Variants in FAT3 observed in about 807,000 individuals in gnomAD.
FAT3 encodes FAT atypical cadherin 3.
In FAT3, 95 loss-of-function variants were observed where a neutral mutation model predicts 310.2. The observed-to-expected ratio is 0.31, with a 90% confidence interval of 0.26 to 0.36. FAT3 has a LOEUF of 0.36. Ranked by LOEUF, FAT3 falls within the 10% of genes least tolerant of loss-of-function variation. The pLI is 1.00. For missense variants in FAT3, 5,408 were observed against 5,715.6 expected, an observed-to-expected ratio of 0.95 and a Z score of 1.74; for synonymous variants, 2,314 against 2,192.9, an observed-to-expected ratio of 1.06 and a Z score of -1.54.
chr11:92,353,263 G>A lies in FAT3; in HGVS notation c.1151G>A (p.Ser384Asn), dbSNP rs147463285. The change falls in exon 2 of 28, where the codon AGC becomes AAC. Residue 384 changes from serine to asparagine, a missense_variant. Transcript: ENST00000525166. Reference sequence around the variant, plus strand: ...TTTGAAAAAGAAGTGTACGATGTGAGCATAAGTGAATTTTCCCCTCCTGGT... The same window carrying A: ...TTTGAAAAAGAAGTGTACGATGTGAACATAAGTGAATTTTCCCCTCCTGGT... ...IRFEKEVYDV[S>N]ISEFSPPGVV... 2.4e-4 allele frequency: 393 copies of A among 1,613,696 alleles called. 1 individual carries two copies. The African/African-American group carries it at 4.6e-3, about 19-fold the overall frequency.
At chr11:92,760,708 T>G (rs1946127115) in intron 4 of FAT3, among the ~76,000 whole-genome samples, 1 of 152,202 alleles carries the variant, frequency 6.6e-6, no homozygotes, top group Non-Finnish European at 1.5e-5. Flanking sequence ...GTGAATGAGA[T>G]AATGCATGAA....
intron 24 of FAT3, among the ~76,000 whole-genome samples, chr11:92,884,549 T>C (rs1949756675): frequency 6.6e-6 from 1 of 152,154 alleles, no homozygotes; most frequent in East Asian, 1.9e-4. Context: ...CTGTGGCATA[T>C]GCTGAGGGAG....
chr11:92,729,086 T>G (rs575823208), intron 4 of FAT3, among the ~76,000 whole-genome samples: 6 of 152,206 alleles, frequency 3.9e-5, no homozygotes, highest in Non-Finnish European at 7.3e-5. Flanking sequence ...CCCAAGTCTT[T>G]GCTTATCCTG....
chr11:92,524,503 TA>T lies in FAT3; in HGVS notation c.3293-129del, dbSNP rs1235383780. ...TTATGTAAAGAGTGACATCTTAATT[TA>T]ACCTTATGTTATGGATTTGGGTGTT... On this transcript the variant is annotated intron_variant, in intron 2 of 27. Transcript: ENST00000525166. 2.4e-5 allele frequency: 18 copies of T among 748,484 alleles called. No individual in the cohort carries two copies. The African/African-American group carries it at 2.6e-4, about 11-fold the overall frequency. 46.4% of individuals were successfully genotyped at this position (748,484 alleles called of 1,614,324 possible).
In FAT3 at chr11:92,798,549, C is replaced by T. The variant is rs758670761; in HGVS notation, c.5536C>T (p.His1846Tyr). 2.0e-5 allele frequency: 33 copies of T among 1,613,560 alleles called. No individual in the cohort carries two copies. The highest frequency in any genetic ancestry group is 2.6e-5 in the Non-Finnish European group (31 of 1,179,712). The change falls in exon 10 of 28, where the codon CAT becomes TAT. Residue 1846 changes from histidine to tyrosine, a missense_variant. By Grantham distance (83) the His-to-Tyr change is moderately conservative (BLOSUM62 2). This residue lies in a region of FAT3 where 4,588 missense variants were observed against 4,809.8 expected (regional missense o/e 0.95). Transcript: ENST00000525166. ...CAACCTGGACCATGAAACCATTGCC[C>T]ATTTCCATTTTCATGTGCATGTGAG... The part of the protein sequence containing the change: ...IANLDHETIA[H>Y]FHFHVHVRDS...
chr11:92,789,835 G>C, intron 7 of FAT3, 108 bp from the exon 8 acceptor site: 2 of 1,130,686 alleles, frequency 1.8e-6, no homozygotes, highest in Middle Eastern at 2.8e-4. Context: ...GCTACTAGAA[G>C]CTAGGATCCA....
chr11:92,678,751 T>G (rs1473302546), intron 3 of FAT3, among the ~76,000 whole-genome samples: 1 of 152,202 alleles, frequency 6.6e-6, no homozygotes, highest in African/African-American at 2.4e-5. Context: ...GCTTAGTAAT[T>G]TACATCTGGG....
intron 2 of FAT3, among the ~76,000 whole-genome samples, chr11:92,447,908 C>G (rs146557040): frequency 6.6e-6 from 1 of 151,946 alleles, no homozygotes; most frequent in African/African-American, 2.4e-5. Flanking sequence ...CTTGCAAACA[C>G]AGTGACAAGA....
rs201987970 is a variant in FAT3 at position 92,604,123 on chromosome 11, G to A, written c.3607+79175G>A. On this transcript the variant is annotated intron_variant, in intron 3 of 27. Coordinates refer to ENST00000525166, the MANE Select transcript of FAT3 (RefSeq NM_001367949.2). ...AAGGGTTCTGTTTTCTTTTGTGAGT[G>A]CCCATCAGCTATGCTAATTAGTTTT... Among the ~76,000 whole-genome samples, 8 of 152,286 alleles carry A rather than the reference G, an allele frequency of 5.3e-5. No homozygotes were observed. In the East Asian group the frequency reaches 1.2e-3, roughly 22 times the overall value.
At chr11:92,435,923 T>C (rs1193365059) in intron 2 of FAT3, among the ~76,000 whole-genome samples, 1 of 152,024 alleles carries the variant, frequency 6.6e-6, no homozygotes, top group Non-Finnish European at 1.5e-5. Context: ...GCTGGAGATA[T>C]TAAGTTAAAC....
At chr11:92,259,745 A>C (rs1397661587) in intron 1 of FAT3, among the ~76,000 whole-genome samples, 1 of 152,206 alleles carries the variant, frequency 6.6e-6, no homozygotes, top group Non-Finnish European at 1.5e-5. Flanking sequence ...ATTGAATTGA[A>C]ATAAATTGGA....
At chr11:92,332,899 G>A (rs1947955825) in intron 1 of FAT3, among the ~76,000 whole-genome samples, 1 of 152,088 alleles carries the variant, frequency 6.6e-6, no homozygotes, top group Non-Finnish European at 1.5e-5. Context: ...TATTTGCTAT[G>A]TTATGTTAGT....
At chr11:92,640,152 C>T (rs1287995782) in intron 3 of FAT3, among the ~76,000 whole-genome samples, 1 of 151,938 alleles carries the variant, frequency 6.6e-6, no homozygotes, top group African/African-American at 2.4e-5. Flanking sequence ...CATCAGGGTC[C>T]TCTAACTGAT....
At chr11:92,876,481 G>GTAGACATAGCTGGCATCAACAA (rs1337117734) in intron 22 of FAT3, among the ~76,000 whole-genome samples, 1 of 152,210 alleles carries the variant, frequency 6.6e-6, no homozygotes, top group Non-Finnish European at 1.5e-5. Context: ...CTGGCCTTCT[G>GTAGACATAGCTGGCATCAACAA]TAGACATAGC....
At chr11:92,608,270 G>A (rs917030952) in intron 3 of FAT3, among the ~76,000 whole-genome samples, 2 of 152,074 alleles carry the variant, frequency 1.3e-5, no homozygotes, top group Non-Finnish European at 2.9e-5. Context: ...TGAGTTGTTT[G>A]AGGCAATATT....
intron 4 of FAT3, among the ~76,000 whole-genome samples, chr11:92,732,363 AT>A (rs371358763): frequency 2.0e-5 from 3 of 152,042 alleles, no homozygotes; most frequent in South Asian, 2.1e-4. Context: ...TTGAACAGGC[AT>A]TTTTTTCATC....
At chr11:92,796,940 G>A (rs137913291) in intron 9 of FAT3, among the ~76,000 whole-genome samples, 175 of 152,252 alleles carry the variant, frequency 1.1e-3, no homozygotes, top group African/African-American at 3.9e-3. Context: ...ATCAAAGTGG[G>A]GTGCCCAGGT....
chr11:92,619,172 A>G (rs931472773), intron 3 of FAT3, among the ~76,000 whole-genome samples: 1 of 152,154 alleles, frequency 6.6e-6, no homozygotes, highest in African/African-American at 2.4e-5. Flanking sequence ...CCAACTTTGT[A>G]TTTGTGGGAG....
chr11:92,580,937 TG>T (rs2135531224), intron 3 of FAT3, among the ~76,000 whole-genome samples: 1 of 152,156 alleles, frequency 6.6e-6, no homozygotes, highest in East Asian at 1.9e-4. Context: ...TTCCAACCAT[TG>T]GTTTCATTCC....
Sources: allele counts gnomAD v4.1 joint callset (sites outside exome capture counted in the v4.1 genomes callset), GRCh38; gene constraint gnomAD v4.1.1; regional missense constraint gnomAD v4.1.1; transcripts MANE v1.5; gene names NCBI Gene and HGNC (gene_info 2026-07-23, HGNC 2026-07-21).